DNAH14: variants seen among roughly 807,000 people sequenced by gnomAD.
DNAH14 encodes dynein axonemal heavy chain 14.
Under a neutral mutation model 520.9 loss-of-function variants are expected in DNAH14, and 478 were observed. The observed-to-expected ratio is 0.92, with a 90% CI of 0.85 to 0.99. DNAH14 has a LOEUF of 0.99. DNAH14 is among the 50% of genes least tolerant of loss of function. The probability of loss-of-function intolerance (pLI) is 0.00; values close to 1 mark genes in which losing one functional copy is unlikely to be tolerated. For missense variants in DNAH14, 4,831 were observed against 5,234.5 expected, an observed-to-expected ratio of 0.92 and a Z score of 2.38; for synonymous variants, 1,581 against 1,757.2, an observed-to-expected ratio of 0.90 and a Z score of 2.51.
At chr1:224,998,245 T>C (rs2063523343) in intron 8 of DNAH14, among the ~76,000 whole-genome samples, 1 of 152,146 alleles carries the variant, frequency 6.6e-6, no homozygotes, top group Admixed American at 6.5e-5. Flanking sequence ...GTTTCATTAA[T>C]TTTTCTCTAT....
At chr1:225,239,049 C>A (rs1232613268) in intron 42 of DNAH14, among the ~76,000 whole-genome samples, 1 of 152,208 alleles carries the variant, frequency 6.6e-6, no homozygotes, top group African/African-American at 2.4e-5. Flanking sequence ...CTCACACAGC[C>A]TCCAGCCTAT....
chr1:225,070,322 A>G (rs762151093), intron 17 of DNAH14, among the ~76,000 whole-genome samples: 1 of 152,046 alleles, frequency 6.6e-6, no homozygotes, highest in African/African-American at 2.4e-5. Context: ...AGATCTTTCT[A>G]GCTTTTTGAT....
At chr1:225,119,326 T>G in intron 26 of DNAH14, 32 bp downstream of exon 26, 1 of 1,405,908 alleles carries the variant, frequency 7.1e-7, no homozygotes, top group South Asian at 1.5e-5. Context: ...TAAAATTATA[T>G]ATTTTATATA....
intron 10 of DNAH14, among the ~76,000 whole-genome samples, chr1:225,013,686 A>G (rs961292440): frequency 1.3e-5 from 2 of 152,168 alleles, no homozygotes; most frequent in Non-Finnish European, 2.9e-5. Flanking sequence ...CAGTCTAGCT[A>G]CAGTGGCTTT....
At chr1:225,000,347 G>A (rs982171767) in intron 8 of DNAH14, among the ~76,000 whole-genome samples, 4 of 151,950 alleles carry the variant, frequency 2.6e-5, no homozygotes, top group African/African-American at 9.7e-5. Flanking sequence ...ACTTTGACAT[G>A]TTTTTGGTGT....
intron 41 of DNAH14, among the ~76,000 whole-genome samples, chr1:225,218,535 T>C (rs940825629): frequency 1.3e-5 from 2 of 150,422 alleles, no homozygotes; most frequent in Non-Finnish European, 2.9e-5. Flanking sequence ...AAACAGACTT[T>C]TAACCAACAA....
At chr1:225,055,883 G>A (rs2148352400) in intron 17 of DNAH14, among the ~76,000 whole-genome samples, 2 of 152,224 alleles carry the variant, frequency 1.3e-5, no homozygotes, top group East Asian at 1.9e-4. Context: ...TTTTATGGCT[G>A]CATAGTATTC....
rs1210879759 is a variant in DNAH14 at position 225,303,286 on chromosome 1, A to G, written c.8762A>G (p.Glu2921Gly). The G allele has an allele frequency of 6.4e-7, 1 of 1,551,550 alleles. No homozygotes were observed. Among genetic ancestry groups the G allele is most frequent in the Non-Finnish European group, 8.7e-7 (1 of 1,146,856 alleles). The change falls in exon 57 of 86, where the codon GAA (glutamate) becomes GGA (glycine). Residue 2921 changes from glutamate (E) to glycine (G), a missense_variant. Coordinates refer to ENST00000682510, the MANE Select transcript of DNAH14 (RefSeq NM_001367479.1). ...GATTGGTATGAGAGGTGGCCAGAAG[A>G]AGCTCTCCTTATTGTAGCTAACTCA... ...TIDWYERWPE[E>G]ALLIVANSFL... is the part of the protein sequence containing the mutation.
In DNAH14 at chr1:225,358,615, C is replaced by G; in HGVS notation, c.11739C>G (p.Ser3913=). The part of the protein sequence containing the change: ...GVNLKDAYKG[S]NARTPLILIQ... ...ATTTGAAAGATGCATATAAAGGATC[C>G]AATGCCAGAACTCCGCTGATACTTA... The change falls in exon 74 of 86, where the codon TCC becomes TCG. Residue 3913 remains serine (S), a synonymous_variant. Transcript: ENST00000682510. 6.5e-7 allele frequency: 1 copy of G among 1,548,112 alleles called. No homozygotes were observed. Among genetic ancestry groups the G allele is most frequent in the Non-Finnish European group, 8.7e-7 (1 of 1,145,954 alleles).
chr1:225,069,007 G>A (rs1572846862), intron 17 of DNAH14, among the ~76,000 whole-genome samples: 2 of 28,280 alleles, frequency 7.1e-5, no homozygotes, highest in Admixed American at 4.6e-4. Context: ...GCGTGAACCC[G>A]GGAGGCGGAG....
At chr1:225,036,176 C>T (rs909659171) in intron 11 of DNAH14, among the ~76,000 whole-genome samples, 6 of 152,082 alleles carry the variant, frequency 3.9e-5, no homozygotes, top group African/African-American at 1.4e-4. Flanking sequence ...CACACTCTCA[C>T]CTGGGATGGA....
In DNAH14 at chr1:225,192,815, A is replaced by G; in HGVS notation, c.5790A>G (p.Ser1930=). The G allele has an allele frequency of 6.4e-7, 1 of 1,550,410 alleles. No individual in the cohort carries two copies. Among genetic ancestry groups the G allele is most frequent in the Non-Finnish European group, 8.7e-7 (1 of 1,146,152 alleles). Residue 1930 remains serine, a synonymous_variant, in exon 38 of 86, where the codon TCA becomes TCG. Transcript: ENST00000682510. ...TGGAATGGACTGATGGATTATTATC[A>G]GCAACAATTCGAAGTTATGTATATT... The part of the protein sequence containing the change: ...NTMEWTDGLL[S]ATIRSYVYFN...
intron 41 of DNAH14, 22 bp downstream of exon 41, chr1:225,207,242 A>T (rs1432508676): frequency 1.3e-6 from 2 of 1,485,258 alleles, no homozygotes; most frequent in South Asian, 2.7e-5. Flanking sequence ...TCTCTAAGTC[A>T]TATCAATGAT....
intron 74 of DNAH14, 128 bp downstream of exon 74, chr1:225,358,780 G>A (rs1411643982): frequency 3.3e-6 from 3 of 919,464 alleles, no homozygotes; most frequent in Non-Finnish European, 4.7e-6. Flanking sequence ...GAGGTAATTG[G>A]ATCATGGGGA....
At position 225,147,211 on chromosome 1, in the gene DNAH14, C is replaced by G. The variant is rs557891847; in HGVS notation, c.4902C>G (p.Ile1634Met). 1 of 1,549,666 alleles carries G rather than the reference C, an allele frequency of 6.5e-7. No homozygotes were observed. Among genetic ancestry groups the G allele is most frequent in the African/African-American group, 1.4e-5 (1 of 73,010 alleles). Residue 1634 changes from isoleucine (I) to methionine (M), a missense_variant, in exon 31 of 86, where the codon ATC (isoleucine) becomes ATG (methionine). Ile to Met is a conservative substitution (Grantham distance 10). Coordinates refer to ENST00000682510, the MANE Select transcript of DNAH14 (RefSeq NM_001367479.1). ...TTCTCTCTGTCATTGCCTCACAGAT[C>G]CTAACAATTAAGGCTGCAAAAGACA... ...LEVLSVIASQILTIKAAKDNY... is the reference protein window; with the variant it reads ...LEVLSVIASQMLTIKAAKDNY...
chr1:225,335,004 A>G (rs978544815), intron 66 of DNAH14, among the ~76,000 whole-genome samples: 1 of 149,708 alleles, frequency 6.7e-6, no homozygotes, highest in Non-Finnish European at 1.5e-5. Flanking sequence ...ATATATACGC[A>G]TATATACTTA....
intron 27 of DNAH14, among the ~76,000 whole-genome samples, chr1:225,129,684 CTT>C (rs1485653071): frequency 1.3e-5 from 2 of 151,746 alleles, no homozygotes; most frequent in African/African-American, 4.8e-5. Flanking sequence ...GGATTAAAGA[CTT>C]AAACGTTAGA....
rs2501138 is a variant in DNAH14, at chr1:224,978,362, G to A, written c.830+4209G>A. On this transcript the variant is annotated intron_variant, in intron 8 of 85. Transcript: ENST00000682510. ...TAAATTCAGTCATTTATGGCAAGAT[G>A]GATGAGTTTGGAGGACATCATGTTA... is the stretch of plus-strand genomic sequence containing the variant. Among the ~76,000 whole-genome samples, 382 of 152,328 alleles carry A rather than the reference G, an allele frequency of 2.5e-3. 2 individuals are homozygous for A. Among genetic ancestry groups the A allele is most frequent in the African/African-American group, 8.5e-3 (352 of 41,578 alleles).
Position 225,083,473 on chromosome 1 carries a change from G to A in DNAH14, c.3327+734G>A, listed in dbSNP as rs191655098. The stretch of plus-strand genomic sequence containing the variant: ...CGCCAGCCCTAATCTCAACTTTCTC[G>A]TGAACTCCAAATTCACATATGTAAT... On this transcript the variant is annotated intron_variant, in intron 20 of 85. Transcript: ENST00000682510. Among the ~76,000 whole-genome samples, 183 of 151,970 alleles carry A rather than the reference G, an allele frequency of 1.2e-3. 2 individuals are homozygous for A. The highest frequency in any genetic ancestry group is 6.8e-3 in the Middle Eastern group (2 of 294).
Sources: allele counts gnomAD v4.1 joint callset (sites outside exome capture counted in the v4.1 genomes callset), GRCh38; gene constraint gnomAD v4.1.1; transcripts MANE v1.5; gene names NCBI Gene and HGNC (gene_info 2026-07-23, HGNC 2026-07-21).